The following EXOC4 variants were observed in gnomAD, a reference collection of about 807,000 sequenced individuals.
EXOC4 encodes exocyst complex component 4, also known as SEC8-like 1.
A neutral mutation model predicts 107.2 loss-of-function variants in EXOC4; 71 were observed. The observed-to-expected ratio is 0.66, with a 90% CI of 0.55 to 0.81. The LOEUF (loss-of-function observed/expected upper bound fraction) is 0.81. Among genes scored for constraint, EXOC4 ranks in the 30% least tolerant of loss-of-function variants. The pLI is 0.00. For synonymous variants in EXOC4, 456 were observed against 441.2 expected, an observed-to-expected ratio of 1.03 and a Z score of -0.42; for missense variants, 1,108 against 1,189.6, an observed-to-expected ratio of 0.93 and a Z score of 1.01.
intron 11 of EXOC4, among the ~76,000 whole-genome samples, chr7:133,826,733 A>C (rs1239538723): frequency 6.6e-6 from 1 of 152,116 alleles, no homozygotes; most frequent in Non-Finnish European, 1.5e-5. Context: ...AGAAAGCCTC[A>C]CTGATATTTA....
the EXOC4 span, among the ~76,000 whole-genome samples, chr7:134,073,716 C>T: frequency 6.6e-6 from 1 of 151,998 alleles, no homozygotes; most frequent in Non-Finnish European, 1.5e-5. Flanking sequence ...CCCCACTTAA[C>T]CATTCTCAGC....
At chr7:133,571,250 C>G (rs761836033) in intron 9 of EXOC4, among the ~76,000 whole-genome samples, 1 of 152,136 alleles carries the variant, frequency 6.6e-6, no homozygotes, top group Non-Finnish European at 1.5e-5. Context: ...AAAGGGAGCC[C>G]TTGTCTGATC....
At chr7:133,385,643 C>T (rs1240416869) in intron 7 of EXOC4, among the ~76,000 whole-genome samples, 1 of 152,166 alleles carries the variant, frequency 6.6e-6, no homozygotes, top group Non-Finnish European at 1.5e-5. Flanking sequence ...TTTGATCTTT[C>T]TGTTGTTACA....
rs563220171 is a variant in EXOC4 at position 133,459,526 on chromosome 7, C to G, written c.1183-15802C>G. On this transcript the variant is annotated intron_variant, in intron 7 of 17. Transcript: ENST00000253861. Reference sequence around the variant, plus strand: ...GCATGTGAGCTGTTCAGCCATTGCCCTTGCCTCATGGGGGCAGAAGTGGGG... The same window carrying G: ...GCATGTGAGCTGTTCAGCCATTGCCGTTGCCTCATGGGGGCAGAAGTGGGG... Among the ~76,000 whole-genome samples the G allele has an allele frequency of 8.5e-5, 13 of 152,298 alleles. No homozygotes were observed. In the South Asian group the frequency reaches 2.7e-3, roughly 32 times the overall value.
intron 10 of EXOC4, among the ~76,000 whole-genome samples, chr7:133,801,151 T>C (rs796224008): frequency 1.3e-5 from 2 of 152,292 alleles, no homozygotes; most frequent in African/African-American, 4.8e-5. Flanking sequence ...AATTATATAT[T>C]ATCGGGAAAC....
intron 17 of EXOC4, among the ~76,000 whole-genome samples, chr7:134,020,284 G>C (rs1300301029): frequency 6.6e-6 from 1 of 152,176 alleles, no homozygotes; most frequent in African/African-American, 2.4e-5. Flanking sequence ...AGAAGGCTGA[G>C]GGTAGGGCTT....
At chr7:133,425,506 C>T (rs961120089) in intron 7 of EXOC4, among the ~76,000 whole-genome samples, 3 of 152,096 alleles carry the variant, frequency 2.0e-5, no homozygotes, top group South Asian at 2.1e-4. Flanking sequence ...AGGCTGGTCT[C>T]GAACTCCTAA....
intron 10 of EXOC4, among the ~76,000 whole-genome samples, chr7:133,786,400 C>G (rs1796569938): frequency 6.6e-6 from 1 of 152,194 alleles, no homozygotes; most frequent in Non-Finnish European, 1.5e-5. Flanking sequence ...TCAGAGTCCA[C>G]CCTGCTGGAT....
chr7:133,330,077 GC>G (rs1563021463), intron 5 of EXOC4, among the ~76,000 whole-genome samples: 2 of 152,140 alleles, frequency 1.3e-5, no homozygotes, highest in African/African-American at 4.8e-5. Flanking sequence ...TCATCTGTAA[GC>G]CCCTGACTGG....
intron 14 of EXOC4, among the ~76,000 whole-genome samples, chr7:133,945,990 A>G (rs922053076): frequency 5.9e-5 from 9 of 152,186 alleles, no homozygotes; most frequent in Admixed American, 5.9e-4. Flanking sequence ...TTTCCTTGTC[A>G]TAATTTCATC....
At chr7:134,070,762 A>G (rs566289947), downstream of EXOC4, among the ~76,000 whole-genome samples, 2 of 147,386 alleles carry the variant, frequency 1.4e-5, no homozygotes, top group African/African-American at 5.1e-5. Context: ...GTGACCACTT[A>G]TGTGTGTACA....
intron 11 of EXOC4, among the ~76,000 whole-genome samples, chr7:133,853,539 C>T (rs535184255): frequency 2.3e-3 from 354 of 152,158 alleles, no homozygotes; most frequent in Non-Finnish European, 4.2e-3. Context: ...TTTCAATATT[C>T]GTATTGTCAG....
In EXOC4 at chr7:134,017,848, G is replaced by T. The variant is rs577557369; in HGVS notation, c.2687+10013G>T. 4.6e-5 allele frequency among the ~76,000 whole-genome samples: 7 copies of T among 152,262 alleles called. No individual in the cohort carries two copies. The South Asian group carries it at 6.2e-4, about 14-fold the overall frequency. On this transcript the variant is annotated intron_variant, in intron 17 of 17. Transcript: ENST00000253861. ...GATTTCTTTTGATTATGCTCAATTA[G>T]TGTCACCATATTTTGTATATATATA... is the stretch of plus-strand genomic sequence containing the variant.
At chr7:133,542,217 C>T (rs926733737) in intron 9 of EXOC4, among the ~76,000 whole-genome samples, 1 of 148,114 alleles carries the variant, frequency 6.8e-6, no homozygotes, top group Admixed American at 6.7e-5. Flanking sequence ...AATGAAGACC[C>T]AAAGAAATGG....
chr7:133,355,409 C>T (rs367883186), intron 5 of EXOC4, among the ~76,000 whole-genome samples: 5 of 151,978 alleles, frequency 3.3e-5, no homozygotes, highest in African/African-American at 4.8e-5. Context: ...AGATTTGTAA[C>T]GTCCTGTTTT....
chr7:133,386,620 C>G (rs763550702), intron 7 of EXOC4, among the ~76,000 whole-genome samples: 1 of 152,118 alleles, frequency 6.6e-6, no homozygotes, highest in Non-Finnish European at 1.5e-5. Flanking sequence ...ATTACTGATA[C>G]GTGTACCATA....
intron 14 of EXOC4, among the ~76,000 whole-genome samples, chr7:133,953,854 A>G (rs1263310844): frequency 6.6e-6 from 1 of 152,196 alleles, no homozygotes; most frequent in African/African-American, 2.4e-5. Context: ...CCATTTATGT[A>G]TGCTTTTTAA....
intron 10 of EXOC4, among the ~76,000 whole-genome samples, chr7:133,715,404 A>G (rs1047316671): frequency 3.9e-5 from 6 of 152,218 alleles, no homozygotes; most frequent in Admixed American, 2.6e-4. Context: ...GCAGACCACA[A>G]AAACGGATCC....
chr7:133,321,208 A>T (rs1392275610), intron 5 of EXOC4, among the ~76,000 whole-genome samples: 1 of 152,074 alleles, frequency 6.6e-6, no homozygotes, highest in African/African-American at 2.4e-5. Context: ...ATTAAATAAG[A>T]ATTTTGATTG....
Sources: allele counts gnomAD v4.1 joint callset (sites outside exome capture counted in the v4.1 genomes callset), GRCh38; gene constraint gnomAD v4.1.1; transcripts MANE v1.5; gene names NCBI Gene and HGNC (gene_info 2026-07-23, HGNC 2026-07-21).